TUSC3: variants seen among roughly 807,000 people sequenced by gnomAD.
TUSC3 encodes dolichyl-diphosphooligosaccharide--protein glycosyltransferase subunit TUSC3.
A neutral mutation model predicts 44.8 loss-of-function variants in TUSC3; 45 were observed. The ratio of observed to expected loss-of-function variants is 1.00; its 90% CI spans 0.79 to 1.29. TUSC3 has a LOEUF of 1.29. Among genes scored for constraint, TUSC3 ranks in the 50% most tolerant of loss-of-function variants. The pLI, the probability that TUSC3 is intolerant of heterozygous loss-of-function variation, is 0.00. For synonymous variants in TUSC3, 212 were observed against 152.9 expected, an observed-to-expected ratio of 1.39 and a Z score of -2.85; for missense variants, 519 against 437.9, an observed-to-expected ratio of 1.19 and a Z score of -1.65.
chr8:15,747,401 T>C (rs939960439), intron 8 of TUSC3, among the ~76,000 whole-genome samples: 2 of 151,908 alleles, frequency 1.3e-5, no homozygotes, highest in African/African-American at 4.8e-5. Context: ...TGTTTAGATA[T>C]TTCTTAAGAG....
At chr8:15,550,830 C>T (rs1334038979) in intron 1 of TUSC3, among the ~76,000 whole-genome samples, 1 of 151,568 alleles carries the variant, frequency 6.6e-6, no homozygotes, top group Non-Finnish European at 1.5e-5. Flanking sequence ...CACCACAACA[C>T]TTGGCTAATT....
intron 2 of TUSC3, among the ~76,000 whole-genome samples, chr8:15,495,452 C>T (rs563389161): frequency 6.4e-4 from 97 of 152,290 alleles, no homozygotes; most frequent in Non-Finnish European, 1.2e-3. Context: ...ACCCACTGTG[C>T]CTGAACCTCC....
At chr8:15,536,681 C>CAAAAAAAAAAAAAAAAAAAAAAA (rs570573410), upstream of TUSC3, among the ~76,000 whole-genome samples, 1 of 45,572 alleles carries the variant, frequency 2.2e-5, no homozygotes, top group Non-Finnish European at 4.3e-5. Flanking sequence ...GATTCCGTCT[C>CAAAAAAAAAAAAAAAAAAAAAAA]AAAAAAAAAA....
At chr8:15,589,686 GAAA>G (rs1388082237) in intron 1 of TUSC3, among the ~76,000 whole-genome samples, 5 of 150,414 alleles carry the variant, frequency 3.3e-5, no homozygotes, top group Non-Finnish European at 1.5e-5. Flanking sequence ...ACAGTATAAA[GAAA>G]AAAATGCATG....
intron 1 of TUSC3, among the ~76,000 whole-genome samples, chr8:15,474,382 A>C (rs1800547017): frequency 2.0e-5 from 3 of 152,204 alleles, no homozygotes; most frequent in Admixed American, 2.0e-4. Flanking sequence ...AGATTAAATT[A>C]AGACAGGTGT....
downstream of TUSC3, among the ~76,000 whole-genome samples, chr8:15,769,164 T>C (rs556651589): frequency 6.6e-6 from 1 of 152,296 alleles, no homozygotes; most frequent in African/African-American, 2.4e-5. Context: ...TCACTCTACC[T>C]GACTTCAAAC....
intron 2 of TUSC3, among the ~76,000 whole-genome samples, chr8:15,639,021 A>G (rs1453929007): frequency 7.0e-6 from 1 of 142,578 alleles, no homozygotes; most frequent in African/African-American, 2.8e-5. Context: ...TCATGTGTCG[A>G]TGCTAGATCA....
the TUSC3 span, among the ~76,000 whole-genome samples, chr8:15,775,698 AC>A: frequency 1.4e-5 from 2 of 147,232 alleles, no homozygotes; most frequent in South Asian, 4.2e-4. Flanking sequence ...GTACACACAC[AC>A]ATATATACAT....
chr8:15,436,028 C>G (rs1372237197), intron 1 of TUSC3, among the ~76,000 whole-genome samples: 6 of 152,140 alleles, frequency 3.9e-5, no homozygotes, highest in Non-Finnish European at 8.8e-5. Context: ...TTATCTGAAG[C>G]CTTGACTGAG....
At chr8:15,562,942 G>A (rs1802533436) in intron 1 of TUSC3, among the ~76,000 whole-genome samples, 1 of 152,006 alleles carries the variant, frequency 6.6e-6, no homozygotes, top group South Asian at 2.1e-4. Flanking sequence ...TGCCATATAA[G>A]GTAACATAAT....
chr8:15,588,066 A>T (rs539041394), intron 1 of TUSC3, among the ~76,000 whole-genome samples: 2 of 152,198 alleles, frequency 1.3e-5, no homozygotes, highest in African/African-American at 4.8e-5. Context: ...TTTCCTTTGG[A>T]TAAATACTCA....
Position 15,540,297 on chromosome 8 carries a change from G to A in TUSC3, c.-134G>A. The A allele has an allele frequency of 7.9e-7, 1 of 1,261,486 alleles. No homozygotes were observed. The highest frequency in any genetic ancestry group is 1.0e-6 in the Non-Finnish European group (1 of 975,880). The allele number at this position is 1,261,486 out of a possible 1,614,324, so 78.1% of individuals were successfully genotyped here. A position where few individuals can be genotyped will look rare whatever the true frequency, so the allele number is the denominator to read the frequency against. ...CTCTGCGTCCTCGGCCGCGGCCCGGGTCCCTCGCAAAGCCGCTGCCATCCC... is the reference window on the plus strand; with the variant it reads ...CTCTGCGTCCTCGGCCGCGGCCCGGATCCCTCGCAAAGCCGCTGCCATCCC... On this transcript the variant is annotated 5_prime_UTR_variant, in exon 1 of 11. Transcript: ENST00000503731.
the TUSC3 span, among the ~76,000 whole-genome samples, chr8:15,833,150 C>G: frequency 6.6e-6 from 1 of 152,050 alleles, no homozygotes; most frequent in African/African-American, 2.4e-5. Flanking sequence ...AAATCAAAAC[C>G]ACAATGAGAT....
chr8:15,445,917 C>G (rs1027241639), intron 1 of TUSC3, among the ~76,000 whole-genome samples: 1 of 151,080 alleles, frequency 6.6e-6, no homozygotes, highest in Non-Finnish European at 1.5e-5. Context: ...AGGCGCCCCC[C>G]ACCTTCCGGA....
intron 2 of TUSC3, among the ~76,000 whole-genome samples, chr8:15,529,849 C>T (rs1290382162): frequency 4.3e-5 from 5 of 116,700 alleles, no homozygotes; most frequent in African/African-American, 1.7e-4. Context: ...GGACTGCGGA[C>T]TGCAATGGCG....
At chr8:15,749,462 A>G (rs992625340) in intron 9 of TUSC3, among the ~76,000 whole-genome samples, 3 of 152,074 alleles carry the variant, frequency 2.0e-5, no homozygotes, top group Non-Finnish European at 4.4e-5. Context: ...ATGTGGCCAG[A>G]GGTACATTTC....
chr8:15,851,781 T>C, the TUSC3 span, among the ~76,000 whole-genome samples: 3 of 152,226 alleles, frequency 2.0e-5, no homozygotes, highest in Non-Finnish European at 4.4e-5. Context: ...TGCATGCTGA[T>C]ATGATTTGGC....
At chr8:15,639,008 T>C (rs940964724) in intron 2 of TUSC3, among the ~76,000 whole-genome samples, 4 of 147,726 alleles carry the variant, frequency 2.7e-5, no homozygotes, top group South Asian at 2.1e-4. Flanking sequence ...TCAGTGATGA[T>C]GATCATGTGT....
At position 15,764,950 on chromosome 8, in the gene TUSC3, C is replaced by T. The variant is rs973852797; in HGVS notation, c.*794C>T. The T allele has an allele frequency of 6.6e-6, 1 of 151,906 alleles. No homozygotes were observed. The highest frequency in any genetic ancestry group is 2.4e-5 in the African/African-American group (1 of 41,366). The allele number at this position is 151,906 out of a possible 1,614,324, so 9.4% of individuals were successfully genotyped here. On this transcript the variant is annotated 3_prime_UTR_variant, in exon 11 of 11. Transcript: ENST00000503731. ...CTATCCATTTTCGAGCAAACCTAAC[C>T]CACTATATCCATTTTGCTCATGTGT...
Sources: gnomAD v4.1 joint callset for allele counts (sites outside exome capture counted in the v4.1 genomes callset) on GRCh38, gnomAD v4.1.1 for gene constraint, MANE v1.5 for transcripts, NCBI Gene and HGNC (gene_info 2026-07-23, HGNC 2026-07-21) for gene names.